DLG2: variants seen among roughly 807,000 people sequenced by gnomAD.
DLG2 encodes discs large MAGUK scaffold protein 2.
In DLG2, 45 loss-of-function variants were observed where a neutral mutation model predicts 132.5. That is an observed-to-expected ratio of 0.34 (90% CI 0.27 to 0.44). The LOEUF is 0.44. Among genes scored for constraint, DLG2 ranks in the 20% least tolerant of loss-of-function variants. The probability of loss-of-function intolerance (pLI) is 1.00; values close to 1 mark genes in which losing one functional copy is unlikely to be tolerated. For synonymous variants in DLG2, 424 were observed against 419.6 expected (o/e 1.01, Z -0.13); for missense variants, 1,045 against 1,196.9 (o/e 0.87, Z 1.87).
chr11:84,740,399 T>C (rs961814806), intron 6 of DLG2, among the ~76,000 whole-genome samples: 2 of 152,172 alleles, frequency 1.3e-5, no homozygotes, highest in Admixed American at 6.5e-5. Flanking sequence ...CCCACAGTTC[T>C]TCCAAGCCCT....
chr11:84,939,229 TACA>T (rs1462947914), intron 6 of DLG2, among the ~76,000 whole-genome samples: 2 of 152,262 alleles, frequency 1.3e-5, no homozygotes, highest in East Asian at 1.9e-4. Context: ...CCAGATCATT[TACA>T]ACAACAGATC....
intron 18 of DLG2, chr11:83,651,974 T>A: frequency 2.2e-6 from 1 of 444,770 alleles, no homozygotes; most frequent in South Asian, 1.7e-5. Context: ...TCTACACACT[T>A]AAATTCAGCC....
At chr11:84,349,434 C>T (rs2098552920) in intron 7 of DLG2, among the ~76,000 whole-genome samples, 1 of 151,134 alleles carries the variant, frequency 6.6e-6, no homozygotes, top group South Asian at 2.1e-4. Context: ...TATTTTATTT[C>T]AACCCTTTGG....
intron 13 of DLG2, among the ~76,000 whole-genome samples, chr11:83,964,050 A>G (rs745586433): frequency 2.6e-5 from 4 of 151,940 alleles, no homozygotes; most frequent in Non-Finnish European, 5.9e-5. Flanking sequence ...CTTCCTCCCA[A>G]CAAAGCTCTT....
At chr11:85,223,996 T>A (rs920258200) in intron 4 of DLG2, among the ~76,000 whole-genome samples, 2 of 152,198 alleles carry the variant, frequency 1.3e-5, no homozygotes, top group African/African-American at 2.4e-5. Context: ...AAAGGTGACC[T>A]TGGTAAATTA....
intron 17 of DLG2, among the ~76,000 whole-genome samples, chr11:83,827,857 T>C (rs550329329): frequency 6.6e-6 from 1 of 152,292 alleles, no homozygotes; most frequent in African/African-American, 2.4e-5. Flanking sequence ...ATGCCCTAAA[T>C]TCTCCTCCAT....
intron 6 of DLG2, among the ~76,000 whole-genome samples, chr11:85,084,185 G>A (rs2067603794): frequency 1.3e-5 from 2 of 152,068 alleles, no homozygotes; most frequent in African/African-American, 2.4e-5. Context: ...ATCCATAGAA[G>A]AAGAAAAATT....
rs1296636249 is a variant in DLG2, at chr11:84,385,182, T to C, written c.520-133891A>G. ...TGGTACAAATTCGCGAATCTAACACTCCCATTTAGATCTCTAAATCATCTA... is the reference window on the plus strand; with the variant it reads ...TGGTACAAATTCGCGAATCTAACACCCCCATTTAGATCTCTAAATCATCTA... On this transcript the variant is annotated intron_variant, in intron 7 of 27. Coordinates refer to ENST00000376104, the MANE Select transcript of DLG2 (RefSeq NM_001142699.3). Among the ~76,000 whole-genome samples the C allele has an allele frequency of 3.3e-5, 5 of 151,986 alleles. No homozygotes were observed. The East Asian group carries it at 7.7e-4, about 23-fold the overall frequency.
intron 18 of DLG2, among the ~76,000 whole-genome samples, chr11:83,689,895 T>C (rs2080542962): frequency 6.9e-6 from 1 of 145,682 alleles, no homozygotes; most frequent in Non-Finnish European, 1.5e-5. Context: ...GATATTTACA[T>C]AAATATATTT....
chr11:85,467,521 G>T (rs548879302), intron 3 of DLG2, among the ~76,000 whole-genome samples: 3 of 152,102 alleles, frequency 2.0e-5, no homozygotes, highest in Admixed American at 6.5e-5. Context: ...TAGCATGAAG[G>T]GTTGTTGAAT....
At chr11:83,558,585 G>A (rs938344084) in intron 19 of DLG2, among the ~76,000 whole-genome samples, 6 of 152,088 alleles carry the variant, frequency 3.9e-5, no homozygotes, top group Admixed American at 2.6e-4. Context: ...TCTCTCTATC[G>A]TACAAGGTTC....
chr11:84,848,561 T>C (rs1450498654), intron 6 of DLG2, among the ~76,000 whole-genome samples: 1 of 152,100 alleles, frequency 6.6e-6, no homozygotes, highest in African/African-American at 2.4e-5. Flanking sequence ...GCTTTTTACA[T>C]GGAAGTGTAT....
chr11:84,766,491 C>T (rs965035415), intron 6 of DLG2, among the ~76,000 whole-genome samples: 3 of 152,064 alleles, frequency 2.0e-5, no homozygotes, highest in Non-Finnish European at 2.9e-5. Context: ...CTGCTTAGAA[C>T]ACCACTTTGT....
At chr11:84,619,210 C>G (rs1006727419) in intron 6 of DLG2, among the ~76,000 whole-genome samples, 1 of 151,680 alleles carries the variant, frequency 6.6e-6, no homozygotes, top group Non-Finnish European at 1.5e-5. Flanking sequence ...AAATTAATAA[C>G]ACAAGAAAGA....
intron 3 of DLG2, among the ~76,000 whole-genome samples, chr11:85,442,672 G>T (rs2091840174): frequency 6.6e-6 from 1 of 151,816 alleles, no homozygotes; most frequent in Admixed American, 6.6e-5. Context: ...TACCAGCCTT[G>T]GCAACATAGC....
chr11:85,272,273 G>A (rs1227725940), intron 4 of DLG2, among the ~76,000 whole-genome samples: 1 of 152,178 alleles, frequency 6.6e-6, no homozygotes, highest in African/African-American at 2.4e-5. Flanking sequence ...CCCAAGCCAT[G>A]TGGAACTGTG....
intron 3 of DLG2, among the ~76,000 whole-genome samples, chr11:85,576,010 T>G (rs2078135812): frequency 6.6e-6 from 1 of 152,210 alleles, no homozygotes; most frequent in African/African-American, 2.4e-5. Context: ...TAAGAATACT[T>G]TTTAATGATA....
chr11:83,948,598 T>C (rs2084654766), intron 14 of DLG2, among the ~76,000 whole-genome samples: 1 of 120,650 alleles, frequency 8.3e-6, no homozygotes, highest in Admixed American at 9.5e-5. Flanking sequence ...TTAATAATGC[T>C]ACCTATGTAG....
At chr11:84,307,695 CAAAAA>C (rs1222486667) in intron 7 of DLG2, among the ~76,000 whole-genome samples, 5 of 78,024 alleles carry the variant, frequency 6.4e-5, no homozygotes, top group African/African-American at 2.2e-4. Context: ...GACGCAGTCT[CAAAAA>C]AAAAAAAAAA....
Sources: allele counts gnomAD v4.1 joint callset (sites outside exome capture counted in the v4.1 genomes callset), GRCh38; gene constraint gnomAD v4.1.1; transcripts MANE v1.5; gene names NCBI Gene and HGNC (gene_info 2026-07-23, HGNC 2026-07-21).